CSMD1: variants seen among roughly 807,000 people sequenced by gnomAD.
CSMD1 encodes the protein CUB and Sushi multiple domains 1.
In CSMD1, 213 loss-of-function variants were observed where a neutral mutation model predicts 417.5. That is an observed-to-expected ratio of 0.51 (90% CI 0.46 to 0.57). The LOEUF is 0.57. Ranked by LOEUF, CSMD1 falls within the 20% of genes least tolerant of loss-of-function variation. CSMD1 has a pLI of 0.00. For synonymous variants in CSMD1, 2,862 were observed against 1,736.8 expected (o/e 1.65, Z -16.11); for missense variants, 6,923 against 4,529.7 (o/e 1.53, Z -15.17).
chr8:3,157,377 G>C lies in CSMD1; in HGVS notation c.5914+520C>G, dbSNP rs78967431. On this transcript the variant is annotated intron_variant, in intron 39 of 69. Coordinates refer to ENST00000635120, the MANE Select transcript of CSMD1 (RefSeq NM_033225.6). Reference sequence around the variant, plus strand: ...AGGGAGTCTCAAGCCATTAAATACAGCTCTGGAAAGCTTTTTCCTAAAGAA... The same window carrying C: ...AGGGAGTCTCAAGCCATTAAATACACCTCTGGAAAGCTTTTTCCTAAAGAA... Among the ~76,000 whole-genome samples, 662 of 152,230 alleles carry C rather than the reference G, an allele frequency of 4.3e-3. 9 individuals are homozygous for C. The highest frequency in any genetic ancestry group is 0.015 in the African/African-American group (642 of 41,532).
At chr8:4,248,321 G>A (rs1176217919) in intron 3 of CSMD1, among the ~76,000 whole-genome samples, 1 of 152,032 alleles carries the variant, frequency 6.6e-6, no homozygotes, top group African/African-American at 2.4e-5. Context: ...ATCAATCAAT[G>A]CATGAAAGTT....
intron 1 of CSMD1, among the ~76,000 whole-genome samples, chr8:4,774,380 C>G (rs1242488812): frequency 3.3e-5 from 5 of 152,094 alleles, no homozygotes; most frequent in African/African-American, 1.2e-4. Context: ...CCAAAGCATT[C>G]TTGAATCCCA....
intron 54 of CSMD1, among the ~76,000 whole-genome samples, chr8:2,992,079 T>C (rs1806435669): frequency 6.6e-6 from 1 of 152,228 alleles, no homozygotes; most frequent in African/African-American, 2.4e-5. Flanking sequence ...ATATTTATCT[T>C]AATTACATTC....
intron 10 of CSMD1, among the ~76,000 whole-genome samples, chr8:3,496,268 C>T (rs1032426349): frequency 2.0e-5 from 3 of 152,170 alleles, no homozygotes; most frequent in African/African-American, 7.2e-5. Context: ...TTGCCAAAAT[C>T]CTGCCTATCC....
chr8:3,076,079 G>C (rs1380576566), intron 49 of CSMD1, among the ~76,000 whole-genome samples: 10 of 151,080 alleles, frequency 6.6e-5, no homozygotes, highest in Non-Finnish European at 3.0e-5. Context: ...AAAAGACGTT[G>C]TCACTGTTTA....
chr8:4,103,090 C>G (rs1043788746), intron 3 of CSMD1, among the ~76,000 whole-genome samples: 14 of 152,224 alleles, frequency 9.2e-5, no homozygotes, highest in Middle Eastern at 3.4e-3. Flanking sequence ...GAGCTCCAGA[C>G]AGTTCTATAA....
intron 57 of CSMD1, among the ~76,000 whole-genome samples, chr8:2,967,027 C>T (rs186410590): frequency 7.2e-5 from 11 of 152,228 alleles, no homozygotes; most frequent in Non-Finnish European, 1.0e-4. Flanking sequence ...AAGTTCAAGG[C>T]CCTGTTATTC....
intron 10 of CSMD1, among the ~76,000 whole-genome samples, chr8:3,538,029 A>C (rs1389021586): frequency 6.6e-6 from 1 of 152,132 alleles, no homozygotes; most frequent in Non-Finnish European, 1.5e-5. Context: ...ACTGTGGTAA[A>C]CCCTTTTATG....
chr8:3,745,635 A>G (rs1797030246), intron 6 of CSMD1, among the ~76,000 whole-genome samples: 1 of 152,118 alleles, frequency 6.6e-6, no homozygotes, highest in South Asian at 2.1e-4. Context: ...GAGACTCTGA[A>G]GCATTTGTCT....
At chr8:4,000,183 C>T (rs751777504) in intron 4 of CSMD1, among the ~76,000 whole-genome samples, 20 of 151,662 alleles carry the variant, frequency 1.3e-4, no homozygotes, top group Non-Finnish European at 2.4e-4. Flanking sequence ...CTGCCCAGCT[C>T]GCCGCAGTTT....
At chr8:3,713,508 C>T (rs745589857) in intron 6 of CSMD1, among the ~76,000 whole-genome samples, 3 of 152,098 alleles carry the variant, frequency 2.0e-5, no homozygotes, top group African/African-American at 7.2e-5. Flanking sequence ...AATCCCTCTG[C>T]CCCAGCCCCC....
intron 3 of CSMD1, among the ~76,000 whole-genome samples, chr8:4,118,229 G>A (rs575198429): frequency 2.6e-5 from 4 of 152,178 alleles, no homozygotes; most frequent in South Asian, 2.1e-4. Flanking sequence ...TTTAGCACAT[G>A]CTTTGTTCCA....
At chr8:3,655,604 C>A (rs570505385) in intron 7 of CSMD1, among the ~76,000 whole-genome samples, 159 of 151,996 alleles carry the variant, frequency 1.0e-3, no homozygotes, top group African/African-American at 3.6e-3. Flanking sequence ...CCACCAGGCC[C>A]CTCAGGCAGG....
At chr8:4,226,441 A>T (rs984206543) in intron 3 of CSMD1, among the ~76,000 whole-genome samples, 1 of 152,200 alleles carries the variant, frequency 6.6e-6, no homozygotes, top group Non-Finnish European at 1.5e-5. Context: ...TTCAGCACAC[A>T]AAAACAGCAA....
At chr8:4,004,381 T>C (rs1438215159) in intron 4 of CSMD1, among the ~76,000 whole-genome samples, 1 of 151,626 alleles carries the variant, frequency 6.6e-6, no homozygotes, top group Non-Finnish European at 1.5e-5. Flanking sequence ...ATATTAGAGA[T>C]GCTGTTGTTT....
At chr8:4,283,786 TA>T (rs34646576) in intron 3 of CSMD1, among the ~76,000 whole-genome samples, 132,633 of 151,190 alleles carry the variant, frequency 0.88, 58,777 homozygotes, top group East Asian at 0.97. Context: ...AAAAGGAGAA[TA>T]AAAAAAAAAA....
intron 3 of CSMD1, among the ~76,000 whole-genome samples, chr8:4,143,890 G>A (rs989864281): frequency 3.3e-5 from 5 of 151,012 alleles, no homozygotes; most frequent in Non-Finnish European, 7.4e-5. Context: ...GAAGAATTTG[G>A]TCCCTGGCTA....
intron 2 of CSMD1, among the ~76,000 whole-genome samples, chr8:4,512,895 T>C (rs1402948144): frequency 6.6e-6 from 1 of 151,668 alleles, no homozygotes; most frequent in South Asian, 2.1e-4. Context: ...GTGAAAGAAG[T>C]TAATTTGAAA....
chr8:4,990,957 A>G (rs930979774), intron 1 of CSMD1, among the ~76,000 whole-genome samples: 5 of 152,108 alleles, frequency 3.3e-5, no homozygotes, highest in Middle Eastern at 3.2e-3. Context: ...AAATGTTTGA[A>G]TTACTTACTT....
Sources: allele counts gnomAD v4.1 joint callset (sites outside exome capture counted in the v4.1 genomes callset), GRCh38; gene constraint gnomAD v4.1.1; transcripts MANE v1.5; gene names NCBI Gene and HGNC (gene_info 2026-07-23, HGNC 2026-07-21).